The following PTPRD variants were observed in gnomAD, a reference collection of about 807,000 sequenced individuals.
PTPRD encodes receptor-type tyrosine-protein phosphatase delta.
Under a neutral mutation model 214.5 loss-of-function variants are expected in PTPRD, and 34 were observed. The ratio of observed to expected loss-of-function variants is 0.16; its 90% CI spans 0.12 to 0.21. The LOEUF (loss-of-function observed/expected upper bound fraction) is 0.21. Ranked by LOEUF, PTPRD falls within the 10% of genes least tolerant of loss-of-function variation. PTPRD has a pLI of 1.00. For missense variants in PTPRD, 2,545 were observed against 2,398.7 expected (o/e 1.06, Z -1.27); for synonymous variants, 1,128 against 845.7 (o/e 1.33, Z -5.79).
At chr9:10,355,469 TATTTC>T (rs2097259226) in intron 2 of PTPRD, among the ~76,000 whole-genome samples, 1 of 151,614 alleles carries the variant, frequency 6.6e-6, no homozygotes, top group Admixed American at 6.6e-5. Context: ...AATACTGCTA[TATTTC>T]TTTTCTTTTT....
intron 3 of PTPRD, among the ~76,000 whole-genome samples, chr9:10,100,391 T>G (rs1311890244): frequency 2.0e-5 from 3 of 151,682 alleles, no homozygotes; most frequent in Non-Finnish European, 4.4e-5. Flanking sequence ...CAAAGCAGTC[T>G]AGTTGCAAAG....
At chr9:9,294,650 G>A (rs560438276) in intron 9 of PTPRD, among the ~76,000 whole-genome samples, 1 of 151,698 alleles carries the variant, frequency 6.6e-6, no homozygotes, top group South Asian at 2.1e-4. Flanking sequence ...TACCAAGATG[G>A]AGGCCGTCTA....
intron 9 of PTPRD, among the ~76,000 whole-genome samples, chr9:9,331,628 T>C (rs185072654): frequency 2.0e-5 from 3 of 152,178 alleles, no homozygotes; most frequent in East Asian, 3.9e-4. Context: ...GAATACCGTC[T>C]TGCTAAGATT....
intron 2 of PTPRD, among the ~76,000 whole-genome samples, chr9:10,422,938 A>T (rs536184486): frequency 3.9e-4 from 59 of 152,244 alleles, no homozygotes; most frequent in African/African-American, 1.3e-3. Context: ...CATTTGACCC[A>T]GCCATCCCAT....
intron 10 of PTPRD, among the ~76,000 whole-genome samples, chr9:9,058,631 A>G (rs575842226): frequency 3.9e-4 from 58 of 150,010 alleles, no homozygotes; most frequent in Non-Finnish European, 7.1e-4. Context: ...TTGTATTTTT[A>G]GTAGAGACGG....
chr9:9,860,516 T>C (rs1480451318), intron 5 of PTPRD, among the ~76,000 whole-genome samples: 1 of 152,208 alleles, frequency 6.6e-6, no homozygotes, highest in Admixed American at 6.5e-5. Context: ...TTTACTGATC[T>C]TTCTGGATAG....
At chr9:10,278,542 G>T (rs895909783) in intron 3 of PTPRD, among the ~76,000 whole-genome samples, 1 of 152,118 alleles carries the variant, frequency 6.6e-6, no homozygotes, top group South Asian at 2.1e-4. Context: ...AGGAAAGAAA[G>T]AACTCATGTG....
At chr9:9,268,737 G>T (rs945266953) in intron 9 of PTPRD, among the ~76,000 whole-genome samples, 6 of 150,324 alleles carry the variant, frequency 4.0e-5, no homozygotes, top group Admixed American at 6.7e-5. Context: ...CAATGAAGAT[G>T]CCAAGAATAC....
At chr9:9,932,436 G>C (rs2087063246) in intron 5 of PTPRD, among the ~76,000 whole-genome samples, 1 of 147,532 alleles carries the variant, frequency 6.8e-6, no homozygotes, top group African/African-American at 2.6e-5. Context: ...GAATGCAGAA[G>C]CCTCAGGAGC....
At chr9:10,162,130 T>C (rs778472609) in intron 3 of PTPRD, among the ~76,000 whole-genome samples, 5 of 151,646 alleles carry the variant, frequency 3.3e-5, no homozygotes, top group Non-Finnish European at 7.4e-5. Flanking sequence ...GATAACTGTA[T>C]GAAGGTTCCT....
intron 10 of PTPRD, among the ~76,000 whole-genome samples, chr9:9,165,819 A>G (rs764186003): frequency 2.6e-5 from 4 of 152,238 alleles, no homozygotes; most frequent in Non-Finnish European, 5.9e-5. Context: ...TTCAATGTAT[A>G]TCAAAAGATA....
At chr9:9,160,478 T>C (rs1267335661) in intron 10 of PTPRD, among the ~76,000 whole-genome samples, 1 of 152,048 alleles carries the variant, frequency 6.6e-6, no homozygotes. Flanking sequence ...TAAAACCAAA[T>C]GAGATACCAC....
At chr9:8,987,360 T>A (rs1773237102) in intron 11 of PTPRD, among the ~76,000 whole-genome samples, 1 of 152,046 alleles carries the variant, frequency 6.6e-6, no homozygotes, top group Non-Finnish European at 1.5e-5. Flanking sequence ...CACAAATATT[T>A]CCAGCAGGAG....
Position 8,478,108 on chromosome 9 carries a change from A to T in PTPRD, c.3413+6011T>A, listed in dbSNP as rs1349184680. ...CTGTATGATCTTGGCCAGGACACTT[A>T]GTACCATTGGTCCTCATTTTACTCA... is the stretch of plus-strand genomic sequence containing the variant. On this transcript the variant is annotated intron_variant, in intron 30 of 45. Transcript: ENST00000381196. Among the ~76,000 whole-genome samples, 3 of 152,346 alleles carry T rather than the reference A, an allele frequency of 2.0e-5. No homozygotes were observed. The East Asian group carries it at 5.8e-4, about 29-fold the overall frequency.
At chr9:9,739,869 C>G (rs1279186396) in intron 6 of PTPRD, among the ~76,000 whole-genome samples, 1 of 151,826 alleles carries the variant, frequency 6.6e-6, no homozygotes, top group East Asian at 1.9e-4. Flanking sequence ...GTAATACTGG[C>G]TTTCATTTTC....
chr9:9,771,473 G>T (rs879564096), intron 5 of PTPRD, among the ~76,000 whole-genome samples: 11 of 152,166 alleles, frequency 7.2e-5, no homozygotes, highest in Non-Finnish European at 1.2e-4. Flanking sequence ...ATAACCATAA[G>T]AAGTTGAGCT....
chr9:8,691,777 C>A (rs1381720310), intron 12 of PTPRD, among the ~76,000 whole-genome samples: 1 of 152,200 alleles, frequency 6.6e-6, no homozygotes, highest in African/African-American at 2.4e-5. Flanking sequence ...ATCAAATCCT[C>A]CTGTAATCTA....
chr9:8,955,336 A>G (rs2099125371), intron 11 of PTPRD, among the ~76,000 whole-genome samples: 1 of 151,834 alleles, frequency 6.6e-6, no homozygotes, highest in African/African-American at 2.4e-5. Flanking sequence ...TTCAGATACC[A>G]TCTGCTTGGA....
chr9:10,169,000 A>C (rs1165236909), intron 3 of PTPRD, among the ~76,000 whole-genome samples: 2 of 152,112 alleles, frequency 1.3e-5, no homozygotes, highest in African/African-American at 4.8e-5. Context: ...AAAAATGGTA[A>C]CTTCTGGGAA....
Sources: gnomAD v4.1 joint callset for allele counts (sites outside exome capture counted in the v4.1 genomes callset) on GRCh38, gnomAD v4.1.1 for gene constraint, MANE v1.5 for transcripts, NCBI Gene and HGNC (gene_info 2026-07-23, HGNC 2026-07-21) for gene names.